The following PTPRB variants were observed in gnomAD, a reference collection of about 807,000 sequenced individuals.
PTPRB encodes the protein protein tyrosine phosphatase receptor type B, also known as receptor-type tyrosine-protein phosphatase beta.
In PTPRB, 97 loss-of-function variants were observed where a neutral mutation model predicts 238.1. The observed-to-expected ratio is 0.41, with a 90% CI of 0.35 to 0.48. The LOEUF (loss-of-function observed/expected upper bound fraction) is 0.48. PTPRB is among the 20% of genes least tolerant of loss of function. PTPRB has a pLI of 0.30. For synonymous variants in PTPRB, 970 were observed against 995.4 expected (o/e 0.97, Z 0.48); for missense variants, 2,292 against 2,681.9 (o/e 0.85, Z 3.21).
intron 32 of PTPRB, among the ~76,000 whole-genome samples, chr12:70,531,112 A>T (rs868354766): frequency 6.6e-6 from 1 of 152,282 alleles, no homozygotes; most frequent in Middle Eastern, 3.4e-3. Flanking sequence ...GGATATTAAT[A>T]TGTGCTGCAC....
rs75812781 is a variant in PTPRB, at chr12:70,636,286, C to CT, written c.56-221dup. On this transcript the variant is annotated intron_variant, in intron 1 of 33. Coordinates refer to ENST00000334414, the MANE Select transcript of PTPRB (RefSeq NM_001109754.4). ...CAATATGTTACACTTAACTCCCCAT[C>CT]TTTTTTTTTTTTTTAATTTTCACAT... 3.2e-3 allele frequency among the ~76,000 whole-genome samples: 459 copies of CT among 141,984 alleles called. 5 individuals carry two copies. Among genetic ancestry groups the CT allele is most frequent in the South Asian group, 0.013 (56 of 4,424 alleles). The allele number at this position is 141,984 out of a possible 152,430, so 93.1% of individuals were successfully genotyped here. A position where few individuals can be genotyped will look rare whatever the true frequency, so the allele number is the denominator to read the frequency against.
chr12:70,554,029 T>G (rs1877288795), intron 20 of PTPRB, among the ~76,000 whole-genome samples: 1 of 152,232 alleles, frequency 6.6e-6, no homozygotes, highest in African/African-American at 2.4e-5. Flanking sequence ...CTGTCTTCAT[T>G]GCAGTCTAAT....
chr12:70,630,099 G>C (rs937313071), intron 2 of PTPRB, among the ~76,000 whole-genome samples: 2 of 152,090 alleles, frequency 1.3e-5, no homozygotes, highest in African/African-American at 4.8e-5. Flanking sequence ...ACCAAAGCCT[G>C]GCAGAGACAC....
intron 3 of PTPRB, among the ~76,000 whole-genome samples, chr12:70,617,360 C>A (rs796705347): frequency 8.5e-5 from 13 of 152,288 alleles, no homozygotes; most frequent in African/African-American, 2.4e-4. Flanking sequence ...CGTATCCTCC[C>A]CACAATATGT....
In PTPRB at chr12:70,566,602, A is replaced by G; in HGVS notation, c.3737T>C (p.Ile1246Thr). 1 of 1,614,028 alleles carries G rather than the reference A, an allele frequency of 6.2e-7. No individual in the cohort carries two copies. Among genetic ancestry groups the G allele is most frequent in the Non-Finnish European group, 8.5e-7 (1 of 1,179,902 alleles). ...KAAGVAERYD[I>T]LLLTENGILL... ...GATTCCATTTTCAGTTAGAAGCAGG[A>G]TATCATATCTTTCTGCCACACCAGC... Residue 1246 changes from isoleucine (I) to threonine (T), a missense_variant, in exon 15 of 34, where the codon ATC (isoleucine) becomes ACC (threonine). Physicochemically the swap from Ile to Thr is moderately conservative, Grantham distance 89. Coordinates refer to ENST00000334414, the MANE Select transcript of PTPRB (RefSeq NM_001109754.4).
In PTPRB at chr12:70,524,909, ATATG is replaced by A. The variant is rs766801452; in HGVS notation, c.6505-322_6505-319del. On this transcript the variant is annotated intron_variant, in intron 32 of 33. Transcript: ENST00000334414. Reference sequence around the variant, plus strand: ...TGTATATATGTGTATATATGTGTATATATGTATGTATATATGTGTGTATATGTAT... The same window carrying A: ...TGTATATATGTGTATATATGTGTATATATGTATATATGTGTGTATATGTAT... 1.9e-3 allele frequency among the ~76,000 whole-genome samples: 292 copies of A among 149,826 alleles called. 1 individual carries two copies. The highest frequency in any genetic ancestry group is 3.5e-3 in the Middle Eastern group (1 of 288).
chr12:70,633,097 A>G (rs1296293881), intron 2 of PTPRB, among the ~76,000 whole-genome samples: 2 of 152,216 alleles, frequency 1.3e-5, no homozygotes, highest in Non-Finnish European at 2.9e-5. Flanking sequence ...AAAAATTCAC[A>G]TCCCATAGAT....
chr12:70,547,424 T>C (rs1876152556), intron 21 of PTPRB, among the ~76,000 whole-genome samples: 1 of 152,240 alleles, frequency 6.6e-6, no homozygotes, highest in Non-Finnish European at 1.5e-5. Flanking sequence ...ATGTTGCTAA[T>C]TTATTATACA....
chr12:70,546,651 T>C (rs1876011932), intron 21 of PTPRB, among the ~76,000 whole-genome samples: 1 of 152,234 alleles, frequency 6.6e-6, no homozygotes, highest in Non-Finnish European at 1.5e-5. Flanking sequence ...AATTAGGCTC[T>C]GTAGGCTGAA....
intron 12 of PTPRB, 198 bp from the exon 13 acceptor site, chr12:70,571,487 A>G: frequency 1.6e-6 from 1 of 620,056 alleles, no homozygotes; most frequent in East Asian, 2.8e-5. Context: ...CATAAATGTT[A>G]CATGATCAGC....
At chr12:70,631,317 A>T (rs1885441330) in intron 2 of PTPRB, among the ~76,000 whole-genome samples, 1 of 152,246 alleles carries the variant, frequency 6.6e-6, no homozygotes, top group Admixed American at 6.5e-5. Flanking sequence ...TGACAAAAAC[A>T]AGCAATGGGG....
At position 70,520,103 on chromosome 12, in the gene PTPRB, A is replaced by C. The variant is rs1489574808; in HGVS notation, c.*1386T>G. 5.0e-6 allele frequency: 2 copies of C among 397,334 alleles called. No individual in the cohort carries two copies. Among genetic ancestry groups the C allele is most frequent in the Non-Finnish European group, 1.0e-5 (2 of 200,566 alleles). 24.6% of individuals were successfully genotyped at this position (397,334 alleles called of 1,614,324 possible). A position where few individuals can be genotyped will look rare whatever the true frequency, so the allele number is the denominator to read the frequency against. On this transcript the variant is annotated 3_prime_UTR_variant, in exon 34 of 34. Transcript: ENST00000334414. Reference sequence around the variant, plus strand: ...GACCTCTAATTCCCAAGTTTATTACAGAAAAATTTGTAGTGTGAAAAAGGC... The same window carrying C: ...GACCTCTAATTCCCAAGTTTATTACCGAAAAATTTGTAGTGTGAAAAAGGC...
intron 2 of PTPRB, among the ~76,000 whole-genome samples, chr12:70,623,216 A>G (rs566552197): frequency 6.6e-6 from 1 of 152,314 alleles, no homozygotes; most frequent in South Asian, 2.1e-4. Context: ...CAACTGTATG[A>G]GTTACAAATG....
Position 70,581,049 on chromosome 12 carries a change from C to T in PTPRB, c.2565G>A (p.Val855=), listed in dbSNP as rs1330226938. The change falls in exon 10 of 34, where the codon GTG becomes GTA. Residue 855 remains valine, a synonymous_variant. Coordinates refer to ENST00000334414, the MANE Select transcript of PTPRB (RefSeq NM_001109754.4). ...SGGISSRQVV[V]EGRTVPSSVS... is the part of the protein sequence containing the mutation. ...TCTACTTCTTACCTGTTCTTCCCTCCACAACCACTTGTCGGGAAGAGATCC... is the reference window on the plus strand; with the variant it reads ...TCTACTTCTTACCTGTTCTTCCCTCTACAACCACTTGTCGGGAAGAGATCC... 11 of 1,613,714 alleles carry T rather than the reference C, an allele frequency of 6.8e-6. No homozygotes were observed. The East Asian group carries it at 2.2e-4, about 33-fold the overall frequency.
At chr12:70,535,298 G>T (rs529911896) in intron 29 of PTPRB, among the ~76,000 whole-genome samples, 2 of 130,186 alleles carry the variant, frequency 1.5e-5, no homozygotes, top group African/African-American at 2.9e-5. Flanking sequence ...GGTTCACAAC[G>T]TATTGTTCTT....
At chr12:70,536,749 C>T (rs1415225690) in intron 28 of PTPRB, among the ~76,000 whole-genome samples, 5 of 152,212 alleles carry the variant, frequency 3.3e-5, no homozygotes, top group African/African-American at 7.2e-5. Context: ...TTCTCTTTGC[C>T]TTTCCTCAGG....
At chr12:70,576,332 C>T in intron 11 of PTPRB, 50 bp downstream of exon 11, 1 of 1,578,476 alleles carries the variant, frequency 6.3e-7, no homozygotes, top group South Asian at 1.2e-5. Flanking sequence ...GTGCCCTGAG[C>T]CACATGTGAA....
chr12:70,571,128 C>G lies in PTPRB; in HGVS notation c.3268G>C (p.Glu1090Gln), dbSNP rs750683715. 1 of 1,613,806 alleles carries G rather than the reference C, an allele frequency of 6.2e-7. No individual in the cohort carries two copies. The highest frequency in any genetic ancestry group is 8.5e-7 in the Non-Finnish European group (1 of 1,179,870). Residue 1090 changes from glutamate (E) to glutamine (Q), a missense_variant, in exon 13 of 34, where the codon GAG (glutamate) becomes CAG (glutamine). Glu to Gln is a conservative substitution (Grantham distance 29). This residue lies in a region of PTPRB where 683 missense variants were observed against 862.0 expected (regional missense o/e 0.79). Coordinates refer to ENST00000334414, the MANE Select transcript of PTPRB (RefSeq NM_001109754.4). ...PPFHLVNTAT[E>Q]YRFTSLTPGR... is the part of the protein sequence containing the mutation. Reference sequence around the variant, plus strand: ...GGTGTTAGGGAAGTAAATCGATACTCGGTTGCGGTATTTACAAGGTGAAAA... The same window carrying G: ...GGTGTTAGGGAAGTAAATCGATACTGGGTTGCGGTATTTACAAGGTGAAAA...
At chr12:70,537,119 C>A (rs1393705549) in intron 28 of PTPRB, among the ~76,000 whole-genome samples, 1 of 151,934 alleles carries the variant, frequency 6.6e-6, no homozygotes, top group African/African-American at 2.4e-5. Flanking sequence ...CCCGTCTCTA[C>A]TAAAAATACA....
Sources: gnomAD v4.1 joint callset for allele counts (sites outside exome capture counted in the v4.1 genomes callset) on GRCh38, gnomAD v4.1.1 for gene constraint, gnomAD v4.1.1 regional missense constraint, MANE v1.5 for transcripts, NCBI Gene and HGNC (gene_info 2026-07-23, HGNC 2026-07-21) for gene names.